The following DPYD variants were observed in gnomAD, a reference collection of about 807,000 sequenced individuals.
DPYD encodes dihydropyrimidine dehydrogenase [NADP(+)].
DPYD carries 109 observed loss-of-function variants against 116.2 expected under a neutral mutation model. The observed-to-expected ratio is 0.94, with a 90% CI of 0.80 to 1.10. DPYD has a LOEUF of 1.10. Ranked by LOEUF, DPYD falls within the 50% of genes least tolerant of loss-of-function variation. The probability of loss-of-function intolerance (pLI) is 0.00; values close to 1 mark genes in which losing one functional copy is unlikely to be tolerated. For synonymous variants in DPYD, 440 were observed against 432.0 expected (o/e 1.02, Z -0.23); for missense variants, 1,302 against 1,254.5 (o/e 1.04, Z -0.57).
intron 3 of DPYD, among the ~76,000 whole-genome samples, chr1:97,773,540 C>T (rs370618778): frequency 6.6e-6 from 1 of 152,126 alleles, no homozygotes; most frequent in Non-Finnish European, 1.5e-5. Flanking sequence ...CATGCTCCCC[C>T]CATCCTGTGC....
At chr1:97,503,924 T>C (rs1370690687) in intron 13 of DPYD, among the ~76,000 whole-genome samples, 2 of 152,052 alleles carry the variant, frequency 1.3e-5, no homozygotes, top group Non-Finnish European at 2.9e-5. Context: ...TATTAAAATA[T>C]ACATTTTGGC....
Position 97,701,496 on chromosome 1 carries a change from A to T in DPYD, c.484-1949T>A, listed in dbSNP as rs142954912. 1.1e-3 allele frequency among the ~76,000 whole-genome samples: 174 copies of T among 151,852 alleles called. 1 individual carries two copies. The highest frequency in any genetic ancestry group is 7.7e-4 in the East Asian group (4 of 5,176). The stretch of plus-strand genomic sequence containing the variant: ...TGCTATCCAATGGATTGGCTCACAC[A>T]GTTGCTTGCATTTAATAGGTCAAAG... On this transcript the variant is annotated intron_variant, in intron 5 of 22. Transcript: ENST00000370192.
intron 11 of DPYD, among the ~76,000 whole-genome samples, chr1:97,556,461 C>T (rs1330724071): frequency 2.8e-5 from 4 of 145,350 alleles, no homozygotes; most frequent in African/African-American, 1.0e-4. Flanking sequence ...CCCACTAACT[C>T]GTCATCTAGC....
At position 97,159,533 on chromosome 1, in the gene DPYD, T is replaced by C. The variant is rs533184063; in HGVS notation, c.2622+33536A>G. Reference sequence around the variant, plus strand: ...TATTTAGAGAAATAATGACTAAATATTTCCTAAACTTGGTAAAAAAATAAA... The same window carrying C: ...TATTTAGAGAAATAATGACTAAATACTTCCTAAACTTGGTAAAAAAATAAA... On this transcript the variant is annotated intron_variant, in intron 20 of 22. Transcript: ENST00000370192. 5.3e-5 allele frequency among the ~76,000 whole-genome samples: 8 copies of C among 152,092 alleles called. No homozygotes were observed. The South Asian group carries it at 1.2e-3, about 24-fold the overall frequency.
rs375437184 is a variant in DPYD, at chr1:97,619,345, T to C, written c.851-24179A>G. ...GACAACTACTAGCTTATGATCAAAA[T>C]GGAATGCTGGTTGACAGGACAAAAT... is the stretch of plus-strand genomic sequence containing the variant. On this transcript the variant is annotated intron_variant, in intron 8 of 22. Coordinates refer to ENST00000370192, the MANE Select transcript of DPYD (RefSeq NM_000110.4). 5.3e-5 allele frequency among the ~76,000 whole-genome samples: 8 copies of C among 152,314 alleles called. No individual in the cohort carries two copies. The East Asian group carries it at 1.2e-3, about 22-fold the overall frequency.
chr1:97,179,970 G>A (rs974908049), intron 20 of DPYD, among the ~76,000 whole-genome samples: 59 of 152,248 alleles, frequency 3.9e-4, no homozygotes, highest in African/African-American at 1.4e-3. Context: ...AACTGATTTG[G>A]TTAAGTGTGA....
chr1:97,404,437 T>C (rs1301077352), intron 14 of DPYD, among the ~76,000 whole-genome samples: 1 of 152,092 alleles, frequency 6.6e-6, no homozygotes, highest in Admixed American at 6.6e-5. Flanking sequence ...TGCTGTTCTA[T>C]TGGTTTTTCC....
chr1:97,080,236 A>G (rs886383956), intron 22 of DPYD, among the ~76,000 whole-genome samples: 8 of 152,082 alleles, frequency 5.3e-5, no homozygotes, highest in African/African-American at 1.9e-4. Context: ...ACAAGGGACA[A>G]TAAGTGTCTC....
At chr1:97,920,319 T>C (rs1674444731) in intron 1 of DPYD, among the ~76,000 whole-genome samples, 1 of 152,178 alleles carries the variant, frequency 6.6e-6, no homozygotes, top group African/African-American at 2.4e-5. Flanking sequence ...GGGCACTGCA[T>C]TTTTCATGTT....
chr1:97,889,275 C>A (rs918001434), intron 1 of DPYD, among the ~76,000 whole-genome samples: 1 of 151,838 alleles, frequency 6.6e-6, no homozygotes, highest in African/African-American at 2.4e-5. Context: ...AAACAAAGGT[C>A]AACAGTAAAG....
chr1:97,083,424 C>CT (rs1351965144), intron 21 of DPYD, among the ~76,000 whole-genome samples: 2 of 151,766 alleles, frequency 1.3e-5, no homozygotes, highest in South Asian at 2.1e-4. Flanking sequence ...CTCTTCTTTA[C>CT]TTTTTTTTCT....
At chr1:97,218,322 T>G (rs952644090) in intron 19 of DPYD, among the ~76,000 whole-genome samples, 1 of 152,030 alleles carries the variant, frequency 6.6e-6, no homozygotes, top group Admixed American at 6.6e-5. Context: ...GGAAACTGAA[T>G]GTACTGATTT....
At chr1:97,135,204 T>G (rs1363123014) in intron 20 of DPYD, among the ~76,000 whole-genome samples, 1 of 152,180 alleles carries the variant, frequency 6.6e-6, no homozygotes, top group Non-Finnish European at 1.5e-5. Context: ...ATTGATATGG[T>G]ATAGGTATTT....
chr1:97,251,918 A>G (rs181378822), intron 18 of DPYD, among the ~76,000 whole-genome samples: 3 of 152,294 alleles, frequency 2.0e-5, no homozygotes, highest in Non-Finnish European at 4.4e-5. Flanking sequence ...AATGCCATCA[A>G]CTGATCACAA....
chr1:97,650,541 A>G (rs990308688), intron 8 of DPYD, among the ~76,000 whole-genome samples: 2 of 152,146 alleles, frequency 1.3e-5, no homozygotes, highest in Non-Finnish European at 2.9e-5. Context: ...TTTCCCATAG[A>G]TTTTAGTTTA....
intron 16 of DPYD, among the ~76,000 whole-genome samples, chr1:97,323,340 A>ATATACATGTGTATATGTACACGTATG (rs1369639307): frequency 9.5e-5 from 8 of 84,654 alleles, no homozygotes; most frequent in African/African-American, 3.6e-4. Context: ...GTACACGTAT[A>ATATACATGTGTATATGTACACGTATG]TATACATGTG....
intron 18 of DPYD, among the ~76,000 whole-genome samples, chr1:97,303,821 A>C (rs372239215): frequency 6.6e-6 from 1 of 152,006 alleles, no homozygotes; most frequent in East Asian, 1.9e-4. Context: ...AGCCCAAGTG[A>C]ATATTTATAT....
intron 16 of DPYD, among the ~76,000 whole-genome samples, chr1:97,354,366 T>G (rs974137230): frequency 1.3e-5 from 2 of 152,216 alleles, no homozygotes; most frequent in African/African-American, 2.4e-5. Flanking sequence ...TCAGCTGTTT[T>G]GACATCTTTC....
At chr1:97,759,676 C>T (rs1665465681) in intron 3 of DPYD, among the ~76,000 whole-genome samples, 1 of 152,086 alleles carries the variant, frequency 6.6e-6, no homozygotes, top group East Asian at 1.9e-4. Flanking sequence ...GTATTGCCAC[C>T]TTCTACAATC....
Sources: allele counts gnomAD v4.1 joint callset (sites outside exome capture counted in the v4.1 genomes callset), GRCh38; gene constraint gnomAD v4.1.1; transcripts MANE v1.5; gene names NCBI Gene and HGNC (gene_info 2026-07-23, HGNC 2026-07-21).